The following LTBP2 variants were observed in gnomAD, a reference collection of about 807,000 sequenced individuals.
The protein encoded by LTBP2 is latent-transforming growth factor beta-binding protein 2.
In LTBP2, 103 loss-of-function variants were observed where a neutral mutation model predicts 210.6. That is an observed-to-expected ratio of 0.49 (90% CI 0.42 to 0.58). LTBP2 has a LOEUF of 0.58. Among genes scored for constraint, LTBP2 ranks in the 20% least tolerant of loss-of-function variants. The probability of loss-of-function intolerance (pLI) is 0.00; values close to 1 mark genes in which losing one functional copy is unlikely to be tolerated. For synonymous variants in LTBP2, 1,007 were observed against 1,015.0 expected, an observed-to-expected ratio of 0.99 and a Z score of 0.15; for missense variants, 2,313 against 2,494.5, an observed-to-expected ratio of 0.93 and a Z score of 1.55.
At chr14:74,505,337 T>C (rs549959767) in intron 28 of LTBP2, among the ~76,000 whole-genome samples, 163 bp from the exon 29 acceptor site, 1 of 152,338 alleles carries the variant, frequency 6.6e-6, no homozygotes, top group African/African-American at 2.4e-5. Flanking sequence ...CCCTAAGAAG[T>C]GGCCTAATCA....
In LTBP2 at chr14:74,533,099, G is replaced by A. The variant is rs538569281; in HGVS notation, c.1865-551C>T. 7.2e-5 allele frequency among the ~76,000 whole-genome samples: 11 copies of A among 152,342 alleles called. 1 individual carries two copies. The highest frequency in any genetic ancestry group is 3.9e-4 in the Admixed American group (6 of 15,302). The stretch of plus-strand genomic sequence containing the variant: ...GGCCTCAAGCAATCTGCCTGCCTTG[G>A]CCTCCCGAAGTGCTGAGATTACAAG... On this transcript the variant is annotated intron_variant, in intron 9 of 35. Coordinates refer to ENST00000261978, the MANE Select transcript of LTBP2 (RefSeq NM_000428.3).
At chr14:74,603,238 C>T (rs1460660834) in intron 2 of LTBP2, among the ~76,000 whole-genome samples, 1 of 152,146 alleles carries the variant, frequency 6.6e-6, no homozygotes, top group African/African-American at 2.4e-5. Context: ...AGTGATTCTC[C>T]TACCTCAGCC....
In LTBP2 at chr14:74,505,128, G is replaced by C. The variant is rs1212568721; in HGVS notation, c.4224C>G (p.Pro1408=). Residue 1408 remains proline (P), a synonymous_variant, in exon 29 of 36, where the codon CCC becomes CCG. Coordinates refer to ENST00000261978, the MANE Select transcript of LTBP2 (RefSeq NM_000428.3). ...GCCCGGAGTAGCAGTCCATGCGGGTGGGGGCCGGGGCATGGTCCCCCGTTG... is the reference window on the plus strand; with the variant it reads ...GCCCGGAGTAGCAGTCCATGCGGGTCGGGGCCGGGGCATGGTCCCCCGTTG... ...EAPTGDHAPA[P]TRMDCYSGQK... The C allele has an allele frequency of 3.7e-6, 6 of 1,613,648 alleles. No homozygotes were observed. The highest frequency in any genetic ancestry group is 1.7e-5 in the Admixed American group (1 of 60,006).
intron 8 of LTBP2, among the ~76,000 whole-genome samples, chr14:74,547,763 T>C (rs548372700): frequency 4.7e-4 from 71 of 152,120 alleles, no homozygotes; most frequent in Non-Finnish European, 1.2e-4. Flanking sequence ...TGCATGCCCC[T>C]CAGAGGGTTG....
At chr14:74,515,026 A>G (rs1334143081) in intron 18 of LTBP2, among the ~76,000 whole-genome samples, 2 of 152,172 alleles carry the variant, frequency 1.3e-5, no homozygotes, top group East Asian at 1.9e-4. Flanking sequence ...GAGCCTGGAC[A>G]TGAAAAAGAA....
chr14:74,596,217 G>A (rs1376264966), intron 2 of LTBP2, among the ~76,000 whole-genome samples: 1 of 117,274 alleles, frequency 8.5e-6, no homozygotes, highest in African/African-American at 2.9e-5. Context: ...AGAGCCAGAT[G>A]CTGTTTCAAA....
chr14:74,611,917 G>A lies in LTBP2; in HGVS notation c.28C>T (p.Pro10Ser), dbSNP rs1189638331. The A allele has an allele frequency of 6.3e-7, 1 of 1,591,416 alleles. No individual in the cohort carries two copies. The change falls in exon 1 of 36, where the codon CCG (proline) becomes TCG (serine). Residue 10 changes from proline to serine, a missense_variant. This residue lies in a region of LTBP2 where 1,867 missense variants were observed against 1,976.9 expected (regional missense o/e 0.94). Transcript: ENST00000261978. ...CAGGGGTTCCGCAGGGCGCGCCCCG[G>A]GCTGCGGGCTTTGGTCCGCGGCCTC... MRPRTKARS[P>S]GRALRNPWRG... is the part of the protein sequence containing the mutation.
rs773873004 is a variant in LTBP2 at position 74,585,879 on chromosome 14, G to A, written c.805C>T (p.Pro269Ser). 1.2e-6 allele frequency: 2 copies of A among 1,613,358 alleles called. No individual in the cohort carries two copies. Among genetic ancestry groups the A allele is most frequent in the Non-Finnish European group, 1.7e-6 (2 of 1,179,296 alleles). The change falls in exon 3 of 36, where the codon CCC becomes TCC. Residue 269 changes from proline (P) to serine (S), a missense_variant. Around this residue, in one of 3 missense-constraint regions of LTBP2, gnomAD observed 1,867 missense variants for 1,976.9 expected, o/e 0.94. Transcript: ENST00000261978. ...CCAGCTGGTGGCGACTGTGGTGCGGGCGGCGACTGTGGTGCTGGCGGCTGT... is the reference window on the plus strand; with the variant it reads ...CCAGCTGGTGGCGACTGTGGTGCGGACGGCGACTGTGGTGCTGGCGGCTGT... ...RAQPPAPQSP[P>S]APQSPPAGTL...
intron 15 of LTBP2, 46 bp from the exon 16 acceptor site, chr14:74,522,964 G>A (rs969722727): frequency 7.7e-5 from 123 of 1,595,826 alleles, no homozygotes; most frequent in Non-Finnish European, 1.0e-4. Context: ...GGTGGGTGCT[G>A]GACAAAGGCA....
chr14:74,560,977 G>C (rs1278549400), intron 3 of LTBP2, among the ~76,000 whole-genome samples: 2 of 152,160 alleles, frequency 1.3e-5, no homozygotes, highest in East Asian at 3.9e-4. Flanking sequence ...GGATATCGAG[G>C]GATGACTGTA....
chr14:74,593,106 T>C (rs2088305399), intron 2 of LTBP2, among the ~76,000 whole-genome samples: 1 of 152,118 alleles, frequency 6.6e-6, no homozygotes, highest in Admixed American at 6.5e-5. Context: ...GTTCCCCTAA[T>C]CTCCCCATGT....
chr14:74,528,514 G>T lies in LTBP2; in HGVS notation c.2337C>A (p.Thr779=), dbSNP rs1163136071. ...ERQPLRVVTD[T]WLEAGTIPDK... ...CAGGGATGGTCCCGGCCTCAAGCCA[G>T]GTGTCCGTGACGACCCGGAGGGGCT... The change falls in exon 12 of 36, where the codon ACC becomes ACA. Residue 779 remains threonine (T), a synonymous_variant. Transcript: ENST00000261978. 1 of 1,612,204 alleles carries T rather than the reference G, an allele frequency of 6.2e-7. No individual in the cohort carries two copies. Among genetic ancestry groups the T allele is most frequent in the Non-Finnish European group, 8.5e-7 (1 of 1,180,026 alleles).
In LTBP2 at chr14:74,499,775, A is replaced by G. The variant is rs1478932089; in HGVS notation, c.*1109T>C. On this transcript the variant is annotated 3_prime_UTR_variant, in exon 36 of 36. Coordinates refer to ENST00000261978, the MANE Select transcript of LTBP2 (RefSeq NM_000428.3). ...GAAGAGACCAGATGCACATTTCTTT[A>G]TTCCACCATGGTTCTGAACTCCCAG... 2 of 228,384 alleles carry G rather than the reference A, an allele frequency of 8.8e-6. No homozygotes were observed. The allele number at this position is 228,384 out of a possible 1,614,324, so 14.1% of individuals were successfully genotyped here. A position where few individuals can be genotyped will look rare whatever the true frequency, so the allele number is the denominator to read the frequency against.
chr14:74,540,840 T>TGTATATA (rs1491247329), intron 8 of LTBP2, among the ~76,000 whole-genome samples: 276 of 26,596 alleles, frequency 0.01, 15 homozygotes, highest in South Asian at 0.046. Context: ...AATATATATT[T>TGTATATA]ATATATATTA....
intron 3 of LTBP2, among the ~76,000 whole-genome samples, chr14:74,583,224 C>G (rs916976964): frequency 6.6e-6 from 1 of 152,220 alleles, no homozygotes; most frequent in Admixed American, 6.5e-5. Flanking sequence ...GTTCCCCTCC[C>G]CAGACATTTC....
intron 20 of LTBP2, 46 bp downstream of exon 20, chr14:74,510,045 A>C (rs376727209): frequency 3.7e-6 from 6 of 1,613,572 alleles, no homozygotes; most frequent in Non-Finnish European, 4.2e-6. Context: ...AGGGAGCCAC[A>C]AGCTGGATCG....
chr14:74,516,977 G>A (rs1273156990), intron 17 of LTBP2, 36 bp from the exon 18 acceptor site: 1 of 1,548,330 alleles, frequency 6.5e-7, no homozygotes, highest in East Asian at 2.4e-5. Context: ...GTCACAGCCA[G>A]CCCTGGAGGA....
At chr14:74,532,718 TG>T (rs2087368121) in intron 9 of LTBP2, among the ~76,000 whole-genome samples, 170 bp from the exon 10 acceptor site, 1 of 152,198 alleles carries the variant, frequency 6.6e-6, no homozygotes, top group African/African-American at 2.4e-5. Flanking sequence ...ATTTGTAAAA[TG>T]AGGATAATGA....
intron 8 of LTBP2, among the ~76,000 whole-genome samples, chr14:74,539,704 G>A (rs372970087): frequency 1.3e-5 from 2 of 151,786 alleles, no homozygotes; most frequent in African/African-American, 2.4e-5. Context: ...AGACGGAGAC[G>A]GAGACTGAGA....
Sources: gnomAD v4.1 joint callset for allele counts (sites outside exome capture counted in the v4.1 genomes callset) on GRCh38, gnomAD v4.1.1 for gene constraint, gnomAD v4.1.1 regional missense constraint, MANE v1.5 for transcripts, NCBI Gene and HGNC (gene_info 2026-07-23, HGNC 2026-07-21) for gene names.